Variants in ASAP1 observed in about 807,000 individuals in gnomAD.
ASAP1 encodes ArfGAP with SH3 domain, ankyrin repeat and PH domain 1.
ASAP1 carries 43 observed loss-of-function variants against 145.2 expected under a neutral mutation model. The observed-to-expected ratio is 0.30, with a 90% CI of 0.23 to 0.38. The LOEUF is 0.38. Among genes scored for constraint, ASAP1 ranks in the 10% least tolerant of loss-of-function variants. The probability of loss-of-function intolerance (pLI) is 1.00; values close to 1 mark genes in which losing one functional copy is unlikely to be tolerated. For synonymous variants in ASAP1, 546 were observed against 515.5 expected (o/e 1.06, Z -0.80); for missense variants, 1,018 against 1,355.3 (o/e 0.75, Z 3.91).
chr8:130,268,047 A>T (rs1286427203), intron 3 of ASAP1, among the ~76,000 whole-genome samples: 1 of 152,188 alleles, frequency 6.6e-6, no homozygotes, highest in Non-Finnish European at 1.5e-5. Flanking sequence ...CTAGGAGAAA[A>T]GTGGCTAATA....
intron 3 of ASAP1, among the ~76,000 whole-genome samples, chr8:130,281,508 A>C (rs1821242899): frequency 1.3e-5 from 2 of 152,186 alleles, no homozygotes; most frequent in African/African-American, 4.8e-5. Context: ...TATATCTCCA[A>C]GTCTAGGTAC....
intron 3 of ASAP1, among the ~76,000 whole-genome samples, chr8:130,333,762 C>A (rs117714848): frequency 0.017 from 2,520 of 152,298 alleles, 31 homozygotes; most frequent in Non-Finnish European, 0.025. Flanking sequence ...ATAAAATTAT[C>A]AGACTATTAG....
chr8:130,318,602 G>A (rs1823813179), intron 3 of ASAP1, among the ~76,000 whole-genome samples: 1 of 152,182 alleles, frequency 6.6e-6, no homozygotes, highest in Non-Finnish European at 1.5e-5. Context: ...TGTTCACTCT[G>A]CCAGCTCTCT....
At chr8:130,348,531 G>A (rs1825822971) in intron 3 of ASAP1, among the ~76,000 whole-genome samples, 1 of 152,220 alleles carries the variant, frequency 6.6e-6, no homozygotes, top group Admixed American at 6.5e-5. Context: ...AGACAGGGCT[G>A]TGGGCTGGAA....
intron 12 of ASAP1, among the ~76,000 whole-genome samples, chr8:130,157,537 T>C (rs2097660415): frequency 6.6e-6 from 1 of 152,148 alleles, no homozygotes; most frequent in Non-Finnish European, 1.5e-5. Context: ...TGCTTGGTAG[T>C]CAGAGAGAAG....
intron 3 of ASAP1, among the ~76,000 whole-genome samples, chr8:130,282,758 T>TA (rs1403245887): frequency 3.3e-5 from 5 of 152,144 alleles, no homozygotes; most frequent in African/African-American, 4.8e-5. Context: ...TAATTTGAAA[T>TA]AGAGTGTGGT....
At chr8:130,078,069 A>C (rs2097468224) in intron 26 of ASAP1, among the ~76,000 whole-genome samples, 1 of 150,828 alleles carries the variant, frequency 6.6e-6, no homozygotes, top group African/African-American at 2.4e-5. Flanking sequence ...GGTTCACTGC[A>C]ACCTCCACTT....
At chr8:130,091,451 A>G (rs752991952) in intron 25 of ASAP1, among the ~76,000 whole-genome samples, 26 of 152,198 alleles carry the variant, frequency 1.7e-4, no homozygotes, top group Non-Finnish European at 3.2e-4. Context: ...GAAGTGAAAG[A>G]AGGCCAGCCC....
At chr8:130,093,512 C>T (rs1357487914) in intron 24 of ASAP1, among the ~76,000 whole-genome samples, 1 of 151,718 alleles carries the variant, frequency 6.6e-6, no homozygotes, top group East Asian at 1.9e-4. Context: ...ACTAAAAATA[C>T]AAAAATTAGC....
rs1168948865 is a variant in ASAP1 at position 130,060,731 on chromosome 8, G to A, written c.3040C>T (p.Pro1014Ser). The A allele has an allele frequency of 6.2e-7, 1 of 1,614,190 alleles. No individual in the cohort carries two copies. Among genetic ancestry groups the A allele is most frequent in the Non-Finnish European group, 8.5e-7 (1 of 1,180,046 alleles). The change falls in exon 28 of 30, where the codon CCC becomes TCC. Residue 1014 changes from proline (P) to serine (S), a missense_variant. By Grantham distance (74) the Pro-to-Ser change is moderately conservative (BLOSUM62 -1). Around this residue, in one of 9 missense-constraint regions of ASAP1, gnomAD observed 139 missense variants for 131.0 expected, o/e 1.06. Coordinates refer to ENST00000518721, the MANE Select transcript of ASAP1 (RefSeq NM_018482.4). ...TGDVSPKAQQPSEVTLKSHPL... is the reference protein window; with the variant it reads ...TGDVSPKAQQSSEVTLKSHPL... Reference sequence around the variant, plus strand: ...TGTGACTTCAGTGTGACCTCAGAGGGTTGCTGAGCCTTGGGTGAGACATCT... The same window carrying A: ...TGTGACTTCAGTGTGACCTCAGAGGATTGCTGAGCCTTGGGTGAGACATCT...
chr8:130,335,800 C>T (rs1269387858), intron 3 of ASAP1, among the ~76,000 whole-genome samples: 6 of 152,104 alleles, frequency 3.9e-5, no homozygotes, highest in African/African-American at 1.2e-4. Context: ...ATCCTGTGAA[C>T]ACAACAGGAG....
In ASAP1 at chr8:130,377,396, G is replaced by C. The variant is rs111756598; in HGVS notation, c.60-19253C>G. On this transcript the variant is annotated intron_variant, in intron 2 of 29. Coordinates refer to ENST00000518721, the MANE Select transcript of ASAP1 (RefSeq NM_018482.4). ...TAAATTAAAAAAAAAGAATTCCTGA[G>C]ACCATGTGTGATCGACAAGCAGACA... Among the ~76,000 whole-genome samples the C allele has an allele frequency of 2.4e-3, 373 of 152,278 alleles. 1 individual carries two copies. The highest frequency in any genetic ancestry group is 6.8e-3 in the Middle Eastern group (2 of 294).
chr8:130,179,878 T>C (rs565670339), intron 8 of ASAP1, among the ~76,000 whole-genome samples: 14 of 152,256 alleles, frequency 9.2e-5, no homozygotes, highest in African/African-American at 3.1e-4. Flanking sequence ...AGATTTTCTA[T>C]TGACACTGTT....
intron 13 of ASAP1, among the ~76,000 whole-genome samples, chr8:130,142,487 TAA>T (rs1178431144): frequency 3.3e-5 from 5 of 152,208 alleles, no homozygotes; most frequent in Admixed American, 2.0e-4. Flanking sequence ...ATATATTTAT[TAA>T]GTCTCTACCA....
At chr8:130,412,975 A>T (rs1829329835) in intron 1 of ASAP1, among the ~76,000 whole-genome samples, 1 of 152,222 alleles carries the variant, frequency 6.6e-6, no homozygotes, top group Non-Finnish European at 1.5e-5. Flanking sequence ...GCTAGCATAT[A>T]TTGCATAGTT....
chr8:130,177,940 C>A (rs1051987977), intron 9 of ASAP1, among the ~76,000 whole-genome samples: 5 of 152,152 alleles, frequency 3.3e-5, no homozygotes, highest in Non-Finnish European at 7.3e-5. Flanking sequence ...CGTAACCCAG[C>A]TTGACGAGTG....
At chr8:130,142,881 G>A (rs748991238) in intron 13 of ASAP1, among the ~76,000 whole-genome samples, 1 of 151,872 alleles carries the variant, frequency 6.6e-6, no homozygotes, top group African/African-American at 2.4e-5. Context: ...GTGGGGTGGT[G>A]GGGGGGCAGT....
chr8:130,252,585 T>C (rs1447066282), intron 3 of ASAP1, among the ~76,000 whole-genome samples: 1 of 152,096 alleles, frequency 6.6e-6, no homozygotes, highest in African/African-American at 2.4e-5. Context: ...TTTAAAAAAT[T>C]AGTAGAATAT....
chr8:130,398,686 G>A lies in ASAP1; in HGVS notation c.59+3199C>T, dbSNP rs185096071. Among the ~76,000 whole-genome samples the A allele has an allele frequency of 1.2e-4, 18 of 152,302 alleles. No individual in the cohort carries two copies. In the East Asian group the frequency reaches 3.5e-3, roughly 29 times the overall value. ...TACCATGTACCAGGCACTGTTCCAA[G>A]TGCTTTAGCTTAACTCAACTAGTGC... On this transcript the variant is annotated intron_variant, in intron 2 of 29. Coordinates refer to ENST00000518721, the MANE Select transcript of ASAP1 (RefSeq NM_018482.4).
Sources: allele counts gnomAD v4.1 joint callset (sites outside exome capture counted in the v4.1 genomes callset), GRCh38; gene constraint gnomAD v4.1.1; regional missense constraint gnomAD v4.1.1; transcripts MANE v1.5; gene names NCBI Gene and HGNC (gene_info 2026-07-23, HGNC 2026-07-21).